NRCAM: variants seen among roughly 807,000 people sequenced by gnomAD.
NRCAM encodes the protein NgCAM-related cell adhesion molecule.
In NRCAM, 83 loss-of-function variants were observed where a neutral mutation model predicts 156.5. The ratio of observed to expected loss-of-function variants is 0.53; its 90% CI spans 0.44 to 0.64. The LOEUF (loss-of-function observed/expected upper bound fraction) is 0.64. Among genes scored for constraint, NRCAM ranks in the 30% least tolerant of loss-of-function variants. The pLI, the probability that NRCAM is intolerant of heterozygous loss-of-function variation, is 0.00. For synonymous variants in NRCAM, 538 were observed against 563.9 expected, an observed-to-expected ratio of 0.95 and a Z score of 0.65; for missense variants, 1,417 against 1,597.3, an observed-to-expected ratio of 0.89 and a Z score of 1.92.
intron 3 of NRCAM, among the ~76,000 whole-genome samples, chr7:108,304,432 A>G (rs867893909): frequency 8.6e-5 from 13 of 151,938 alleles, no homozygotes; most frequent in African/African-American, 2.9e-4. Context: ...TGAACAGTCA[A>G]TTTATACATA....
chr7:108,274,707 T>A (rs879500880), intron 3 of NRCAM, among the ~76,000 whole-genome samples: 2 of 152,226 alleles, frequency 1.3e-5, no homozygotes, highest in Non-Finnish European at 2.9e-5. Flanking sequence ...TGACTTCCTC[T>A]TTTCCTAATT....
At chr7:108,166,370 C>T (rs2054242239) in intron 30 of NRCAM, among the ~76,000 whole-genome samples, 1 of 151,722 alleles carries the variant, frequency 6.6e-6, no homozygotes, top group South Asian at 2.1e-4. Flanking sequence ...GCCTCAGCCT[C>T]CTGAGTAGCT....
chr7:108,339,536 C>T (rs925444724), intron 2 of NRCAM, among the ~76,000 whole-genome samples: 2 of 152,166 alleles, frequency 1.3e-5, no homozygotes, highest in Non-Finnish European at 2.9e-5. Flanking sequence ...CTAGGACTCA[C>T]CCCTGAGCAC....
At chr7:108,266,271 A>T (rs2097100398) in intron 3 of NRCAM, among the ~76,000 whole-genome samples, 1 of 152,190 alleles carries the variant, frequency 6.6e-6, no homozygotes, top group African/African-American at 2.4e-5. Flanking sequence ...TTTTGAGTCA[A>T]ATTTCTGTCT....
At chr7:108,273,390 T>C (rs1378695866) in intron 3 of NRCAM, among the ~76,000 whole-genome samples, 1 of 152,212 alleles carries the variant, frequency 6.6e-6, no homozygotes, top group Non-Finnish European at 1.5e-5. Flanking sequence ...CCTATTTCTC[T>C]ACATCCTCTC....
intron 3 of NRCAM, among the ~76,000 whole-genome samples, chr7:108,277,542 G>C (rs1424615318): frequency 2.0e-5 from 3 of 151,898 alleles, no homozygotes; most frequent in African/African-American, 4.8e-5. Flanking sequence ...ATTGAAGCTT[G>C]TGTATGCTTC....
At chr7:108,413,605 C>T (rs1333767986) in intron 1 of NRCAM, among the ~76,000 whole-genome samples, 1 of 152,118 alleles carries the variant, frequency 6.6e-6, no homozygotes, top group African/African-American at 2.4e-5. Flanking sequence ...TTACTCTGAT[C>T]CTTCAACACT....
intron 3 of NRCAM, among the ~76,000 whole-genome samples, chr7:108,278,112 T>C (rs1389414201): frequency 6.6e-6 from 1 of 152,186 alleles, no homozygotes; most frequent in African/African-American, 2.4e-5. Context: ...TCTGGAAGCT[T>C]CATCTCAGAG....
At chr7:108,367,010 TGAAGA>T (rs1351980996) in intron 2 of NRCAM, among the ~76,000 whole-genome samples, 3 of 152,256 alleles carry the variant, frequency 2.0e-5, no homozygotes, top group Non-Finnish European at 1.5e-5. Context: ...GAAATGATTT[TGAAGA>T]GAGATGTCAT....
intron 2 of NRCAM, among the ~76,000 whole-genome samples, chr7:108,354,536 T>C (rs2099465438): frequency 6.6e-6 from 1 of 152,210 alleles, no homozygotes; most frequent in South Asian, 2.1e-4. Context: ...CTCAAGAGCA[T>C]CTATAGACAT....
At chr7:108,230,034 G>A (rs532121465) in intron 8 of NRCAM, among the ~76,000 whole-genome samples, 1 of 152,102 alleles carries the variant, frequency 6.6e-6, no homozygotes, top group African/African-American at 2.4e-5. Context: ...CTTAGTAAAA[G>A]GCCTGACACT....
Position 108,244,174 on chromosome 7 carries a change from G to A in NRCAM, c.-106-4004C>T, listed in dbSNP as rs144628605. ...AGAATTTGAAGGCCACGCATTACTC[G>A]CCATTTCATTCTCCTCTATTTGGGC... On this transcript the variant is annotated intron_variant, in intron 3 of 32. Coordinates refer to ENST00000379028, the MANE Select transcript of NRCAM (RefSeq NM_001037132.4). Among the ~76,000 whole-genome samples, 45 of 152,080 alleles carry A rather than the reference G, an allele frequency of 3.0e-4. No homozygotes were observed. In the Middle Eastern group the frequency reaches 0.01, roughly 34 times the overall value.
At chr7:108,228,966 TA>T (rs916651556) in intron 8 of NRCAM, among the ~76,000 whole-genome samples, 42 of 151,686 alleles carry the variant, frequency 2.8e-4, no homozygotes, top group Admixed American at 9.9e-4. Flanking sequence ...TAAAGTAAAA[TA>T]AAAAAAAATT....
At chr7:108,403,627 G>T (rs567157509) in intron 1 of NRCAM, among the ~76,000 whole-genome samples, 8 of 152,230 alleles carry the variant, frequency 5.3e-5, no homozygotes, top group Admixed American at 2.6e-4. Flanking sequence ...ACATTTACTC[G>T]TTAGAGACTG....
intron 3 of NRCAM, among the ~76,000 whole-genome samples, chr7:108,288,573 T>C (rs534367814): frequency 2.0e-5 from 3 of 152,262 alleles, no homozygotes; most frequent in South Asian, 4.1e-4. Flanking sequence ...ATTCATACGT[T>C]ATTGCATACC....
chr7:108,191,957 A>G, intron 17 of NRCAM, 104 bp from the exon 18 acceptor site: 1 of 1,343,818 alleles, frequency 7.4e-7, no homozygotes, highest in Non-Finnish European at 1.0e-6. Context: ...AAGGAGAAAG[A>G]TGGTAAACAC....
chr7:108,215,610 T>G lies in NRCAM; in HGVS notation c.891-6005A>C, dbSNP rs144830564. 8.8e-3 allele frequency among the ~76,000 whole-genome samples: 1,335 copies of G among 152,280 alleles called. 21 individuals carry two copies. The highest frequency in any genetic ancestry group is 0.042 in the Admixed American group (643 of 15,302). Reference sequence around the variant, plus strand: ...GGTGCTTCTGTATTGGCTCCATATATTTTTGGGATAGTTAGCTCTTCTTGT... The same window carrying G: ...GGTGCTTCTGTATTGGCTCCATATAGTTTTGGGATAGTTAGCTCTTCTTGT... On this transcript the variant is annotated intron_variant, in intron 11 of 32. Transcript: ENST00000379028.
chr7:108,178,950 C>G (rs1444290850), intron 25 of NRCAM, among the ~76,000 whole-genome samples: 1 of 152,178 alleles, frequency 6.6e-6, no homozygotes, highest in African/African-American at 2.4e-5. Context: ...CTTCCTTAAT[C>G]TAAATCATAT....
At chr7:108,326,260 G>A (rs2099067322) in intron 2 of NRCAM, among the ~76,000 whole-genome samples, 2 of 152,192 alleles carry the variant, frequency 1.3e-5, no homozygotes, top group South Asian at 4.1e-4. Flanking sequence ...GAACTGGTTT[G>A]TGTAGTATAT....
Sources: allele counts gnomAD v4.1 joint callset (sites outside exome capture counted in the v4.1 genomes callset), GRCh38; gene constraint gnomAD v4.1.1; transcripts MANE v1.5; gene names NCBI Gene and HGNC (gene_info 2026-07-23, HGNC 2026-07-21).